Variants in ELOVL6 observed in about 807,000 individuals in gnomAD.
ELOVL6 encodes very long chain fatty acid elongase 6.
ELOVL6 carries 8 observed loss-of-function variants against 31.7 expected under a neutral mutation model. The ratio of observed to expected loss-of-function variants is 0.25; its 90% CI spans 0.15 to 0.45. The LOEUF (loss-of-function observed/expected upper bound fraction) is 0.45. ELOVL6 is among the 20% of genes least tolerant of loss of function. ELOVL6 has a pLI of 1.00. For missense variants in ELOVL6, 126 were observed against 326.4 expected, an observed-to-expected ratio of 0.39 and a Z score of 4.73; for synonymous variants, 101 against 117.7, an observed-to-expected ratio of 0.86 and a Z score of 0.92.
chr4:110,086,503 C>T (rs1279323038), intron 2 of ELOVL6, among the ~76,000 whole-genome samples: 1 of 152,186 alleles, frequency 6.6e-6, no homozygotes, highest in Non-Finnish European at 1.5e-5. Flanking sequence ...AATATTGCCA[C>T]ATGAGAGTAG....
At chr4:110,184,758 G>A (rs1759391221) in intron 1 of ELOVL6, among the ~76,000 whole-genome samples, 1 of 152,164 alleles carries the variant, frequency 6.6e-6, no homozygotes, top group African/African-American at 2.4e-5. Flanking sequence ...CTTTCATGCT[G>A]AGCTATGTAC....
intron 2 of ELOVL6, among the ~76,000 whole-genome samples, chr4:110,066,753 C>A (rs1028780741): frequency 4.6e-5 from 7 of 150,816 alleles, no homozygotes; most frequent in African/African-American, 1.7e-4. Context: ...GAACAAGCAT[C>A]TTTATTTTTA....
At chr4:110,060,741 G>C (rs1038342854) in intron 2 of ELOVL6, among the ~76,000 whole-genome samples, 3 of 152,178 alleles carry the variant, frequency 2.0e-5, no homozygotes, top group African/African-American at 7.2e-5. Flanking sequence ...ACCATGTGGG[G>C]AAGATGGACC....
intron 3 of ELOVL6, among the ~76,000 whole-genome samples, chr4:110,054,519 T>C (rs902328796): frequency 1.3e-5 from 2 of 152,232 alleles, no homozygotes; most frequent in Non-Finnish European, 2.9e-5. Context: ...CATAATTGAA[T>C]AGATGCTTTC....
At chr4:110,189,383 T>TCGAG (rs957016070) in intron 1 of ELOVL6, among the ~76,000 whole-genome samples, 3 of 149,386 alleles carry the variant, frequency 2.0e-5, no homozygotes, top group African/African-American at 7.4e-5. Flanking sequence ...GGCCAGGAGT[T>TCGAG]CGAGACCAGC....
At chr4:110,107,893 T>TA (rs1756928829) in intron 1 of ELOVL6, among the ~76,000 whole-genome samples, 1 of 152,164 alleles carries the variant, frequency 6.6e-6, no homozygotes, top group East Asian at 1.9e-4. Context: ...ATGGTGCAGG[T>TA]AAAGTATTAT....
intron 1 of ELOVL6, among the ~76,000 whole-genome samples, chr4:110,153,683 C>G (rs1343706380): frequency 1.3e-5 from 2 of 152,140 alleles, no homozygotes; most frequent in African/African-American, 4.8e-5. Context: ...GCTTTTGAAA[C>G]CTTATGCTCC....
At chr4:110,100,481 C>A (rs1004227803) in intron 2 of ELOVL6, among the ~76,000 whole-genome samples, 1 of 150,354 alleles carries the variant, frequency 6.7e-6, no homozygotes, top group Non-Finnish European at 1.5e-5. Context: ...GAAGAGGTTT[C>A]TTTTGTTTGT....
chr4:110,120,294 C>A (rs1159482995), intron 1 of ELOVL6, among the ~76,000 whole-genome samples: 1 of 146,600 alleles, frequency 6.8e-6, no homozygotes, highest in Non-Finnish European at 1.5e-5. Context: ...TTGAGAGTAA[C>A]AATATTTAGC....
At chr4:110,106,406 T>C (rs890309604) in intron 1 of ELOVL6, among the ~76,000 whole-genome samples, 3 of 152,150 alleles carry the variant, frequency 2.0e-5, no homozygotes, top group African/African-American at 7.2e-5. Context: ...GGTTTTTTAA[T>C]TACATGCTAA....
intron 3 of ELOVL6, among the ~76,000 whole-genome samples, chr4:110,058,469 G>A (rs567124585): frequency 1.3e-5 from 2 of 152,292 alleles, no homozygotes; most frequent in Non-Finnish European, 2.9e-5. Context: ...CTTATAAACA[G>A]CAGGTTTCTG....
In ELOVL6 at chr4:110,051,084, T is replaced by C. The variant is rs1578438793; in HGVS notation, c.*254A>G. ...TTGTTCTCCCTTGTCCTAGAGTTGA[T>C]AGATAAAGAGGGAATGGGGTCTTCC... On this transcript the variant is annotated 3_prime_UTR_variant, in exon 4 of 4. Coordinates refer to ENST00000302274, the MANE Select transcript of ELOVL6 (RefSeq NM_024090.3). The surrounding 1 kb of genome is among the most constrained non-coding windows in gnomAD (Gnocchi z 4.8). 2 of 481,674 alleles carry C rather than the reference T, an allele frequency of 4.2e-6. No homozygotes were observed. Among genetic ancestry groups the C allele is most frequent in the Middle Eastern group, 5.8e-4 (1 of 1,734 alleles). 29.8% of individuals were successfully genotyped at this position (481,674 alleles called of 1,614,324 possible).
At chr4:110,064,365 G>A (rs941823622) in intron 2 of ELOVL6, among the ~76,000 whole-genome samples, 4 of 61,210 alleles carry the variant, frequency 6.5e-5, no homozygotes, top group Non-Finnish European at 9.7e-5. Context: ...ATGTCAGGAG[G>A]GGGCCAAGAA....
intron 2 of ELOVL6, among the ~76,000 whole-genome samples, chr4:110,093,735 C>A (rs975663018): frequency 6.6e-6 from 1 of 152,076 alleles, no homozygotes; most frequent in Non-Finnish European, 1.5e-5. Flanking sequence ...AAAATCACTG[C>A]CCTCATGGAA....
In ELOVL6 at chr4:110,084,026, C is replaced by A. The variant is rs1458308659; in HGVS notation, c.221+21471G>T. 8.4e-3 allele frequency among the ~76,000 whole-genome samples: 57 copies of A among 6,756 alleles called. 1 individual carries two copies. The highest frequency in any genetic ancestry group is 0.032 in the South Asian group (8 of 248). 4.4% of individuals were successfully genotyped at this position (6,756 alleles called of 152,430 possible). On this transcript the variant is annotated intron_variant, in intron 2 of 3. Transcript: ENST00000302274. ...TGCCATATATGGTATATAACATATG[C>A]CATATATGGTATATAACACATGCTA...
chr4:110,184,356 C>G (rs1759380391), intron 1 of ELOVL6, among the ~76,000 whole-genome samples: 1 of 152,154 alleles, frequency 6.6e-6, no homozygotes, highest in Non-Finnish European at 1.5e-5. Flanking sequence ...AAATATTTAT[C>G]TATTTATAAA....
chr4:110,084,001 TGCCATATATGGTATATAAC>T (rs1756004184), intron 2 of ELOVL6, among the ~76,000 whole-genome samples: 1 of 59,010 alleles, frequency 1.7e-5, no homozygotes, highest in Non-Finnish European at 3.1e-5. Flanking sequence ...ATATAACATA[TGCCATATATGGTATATAAC>T]ATATGCCATA....
At chr4:110,164,722 A>C (rs1264258749) in intron 1 of ELOVL6, among the ~76,000 whole-genome samples, 2 of 148,912 alleles carry the variant, frequency 1.3e-5, no homozygotes, top group Non-Finnish European at 1.5e-5. Context: ...GCCTGGGTGA[A>C]AGTGGGACCC....
intron 2 of ELOVL6, among the ~76,000 whole-genome samples, chr4:110,103,924 G>C (rs1233844478): frequency 6.6e-6 from 1 of 152,170 alleles, no homozygotes; most frequent in Non-Finnish European, 1.5e-5. Flanking sequence ...CTTTTAAAGA[G>C]TACTTAACCT....
Sources: allele counts gnomAD v4.1 joint callset (sites outside exome capture counted in the v4.1 genomes callset), GRCh38; gene constraint gnomAD v4.1.1; non-coding constraint Gnocchi (gnomAD v3.1); transcripts MANE v1.5; gene names NCBI Gene and HGNC (gene_info 2026-07-23, HGNC 2026-07-21).